AFDN: variants seen among roughly 807,000 people sequenced by gnomAD.
The protein encoded by AFDN is afadin.
A neutral mutation model predicts 216.6 loss-of-function variants in AFDN; 68 were observed. The observed-to-expected ratio is 0.31, with a 90% CI of 0.26 to 0.38. The LOEUF is 0.38. AFDN is among the 10% of genes least tolerant of loss of function. AFDN has a pLI of 1.00. For missense variants in AFDN, 2,136 were observed against 2,342.0 expected, an observed-to-expected ratio of 0.91 and a Z score of 1.82; for synonymous variants, 868 against 853.7, an observed-to-expected ratio of 1.02 and a Z score of -0.29.
At chr6:167,826,663 G>A, upstream of AFDN, 3 of 476,462 alleles carry the variant, frequency 6.3e-6, no homozygotes, top group Non-Finnish European at 1.3e-5. Context: ...ACCTAGCACC[G>A]CTGGTCGGGA....
intron 30 of AFDN, among the ~76,000 whole-genome samples, chr6:167,958,435 T>C (rs1440101547): frequency 6.6e-6 from 1 of 152,188 alleles, no homozygotes; most frequent in Non-Finnish European, 1.5e-5. Flanking sequence ...AAATGCCTCT[T>C]TTTGTAACAC....
intron 31 of AFDN, 37 bp from the exon 32 acceptor site, chr6:167,965,720 C>T (rs1431783734): frequency 3.3e-6 from 5 of 1,494,206 alleles, no homozygotes; most frequent in Admixed American, 2.3e-5. Context: ...CCCTTCTCAC[C>T]TCTGACCTTT....
intron 13 of AFDN, among the ~76,000 whole-genome samples, chr6:167,908,707 A>C (rs954708702): frequency 1.3e-5 from 2 of 152,204 alleles, no homozygotes; most frequent in Non-Finnish European, 2.9e-5. Context: ...ATTATTTTTT[A>C]CCATAAACAC....
intron 12 of AFDN, among the ~76,000 whole-genome samples, chr6:167,904,024 C>T (rs565658458): frequency 6.6e-6 from 1 of 152,302 alleles, no homozygotes; most frequent in Non-Finnish European, 1.5e-5. Context: ...GGTACCTCTT[C>T]CTCTTATGCT....
chr6:167,916,961 T>G, intron 19 of AFDN, 128 bp from the exon 20 acceptor site: 3 of 807,874 alleles, frequency 3.7e-6, no homozygotes, highest in Non-Finnish European at 5.6e-6. Flanking sequence ...GAAGTCTGTT[T>G]CCTGAAATCA....
At chr6:167,871,060 C>A (rs1229200578) in intron 3 of AFDN, among the ~76,000 whole-genome samples, 3 of 152,258 alleles carry the variant, frequency 2.0e-5, no homozygotes, top group African/African-American at 7.2e-5. Flanking sequence ...CAAGTGATAG[C>A]AAATGCAAAG....
At position 167,890,890 on chromosome 6, in the gene AFDN, G is replaced by A. The variant is rs1212978548; in HGVS notation, c.1038G>A (p.Arg346=). ...TTTTAGTCTTTCAGTTGAAGAGGAGGCCACCAGACCACATCCCAAAGAAAA... is the reference window on the plus strand; with the variant it reads ...TTTTAGTCTTTCAGTTGAAGAGGAGACCACCAGACCACATCCCAAAGAAAA... ...KGILVFQLKR[R]PPDHIPKKTK... Residue 346 remains arginine (R), a synonymous_variant, in exon 8 of 34, where the codon AGG becomes AGA. Coordinates refer to ENST00000683244, the MANE Select transcript of AFDN (RefSeq NM_001386888.1). 1.9e-6 allele frequency: 3 copies of A among 1,613,052 alleles called. No individual in the cohort carries two copies. Among genetic ancestry groups the A allele is most frequent in the Admixed American group, 3.3e-5 (2 of 59,910 alleles).
At chr6:167,929,634 G>A (rs1793032123) in intron 23 of AFDN, among the ~76,000 whole-genome samples, 1 of 152,164 alleles carries the variant, frequency 6.6e-6, no homozygotes, top group Non-Finnish European at 1.5e-5. Context: ...GCTCTATTTG[G>A]CATCCTTGTC....
At chr6:167,899,326 A>G (rs969205202) in intron 11 of AFDN, among the ~76,000 whole-genome samples, 2 of 152,166 alleles carry the variant, frequency 1.3e-5, no homozygotes, top group East Asian at 1.9e-4. Context: ...TTGCACCCCA[A>G]GTGTCAGCAA....
intron 6 of AFDN, among the ~76,000 whole-genome samples, chr6:167,882,725 G>T (rs1274424396): frequency 6.6e-6 from 1 of 152,156 alleles, no homozygotes; most frequent in Non-Finnish European, 1.5e-5. Context: ...AATCTCTCAG[G>T]ACTGAAGAAG....
At chr6:167,828,208 T>C (rs962218302) in intron 1 of AFDN, among the ~76,000 whole-genome samples, 14 of 152,268 alleles carry the variant, frequency 9.2e-5, no homozygotes, top group African/African-American at 3.1e-4. Context: ...TTTGTTGTAA[T>C]AGGTAATTTA....
At chr6:167,848,948 C>G (rs1781995141) in intron 1 of AFDN, among the ~76,000 whole-genome samples, 1 of 152,094 alleles carries the variant, frequency 6.6e-6, no homozygotes, top group Admixed American at 6.5e-5. Context: ...GTTTTCCACC[C>G]TTATTTTTAT....
At chr6:167,939,867 G>A (rs1209153773) in intron 23 of AFDN, among the ~76,000 whole-genome samples, 3 of 152,168 alleles carry the variant, frequency 2.0e-5, no homozygotes, top group African/African-American at 7.2e-5. Flanking sequence ...CACAGATAGA[G>A]TGAGGCAAAA....
chr6:167,932,287 C>T (rs1464725517), intron 23 of AFDN, among the ~76,000 whole-genome samples: 2 of 152,108 alleles, frequency 1.3e-5, no homozygotes, highest in East Asian at 3.9e-4. Flanking sequence ...TTCCCTGACT[C>T]GCCTTCCACA....
intron 9 of AFDN, among the ~76,000 whole-genome samples, chr6:167,894,922 G>A (rs986039353): frequency 1.2e-4 from 19 of 152,020 alleles, no homozygotes; most frequent in African/African-American, 2.2e-4. Flanking sequence ...TTAACTTTGC[G>A]TTGAAATGTT....
At position 167,913,603 on chromosome 6, in the gene AFDN, A is replaced by G; in HGVS notation, c.2058+180A>G. 1.0e-5 allele frequency: 6 copies of G among 581,004 alleles called. No homozygotes were observed. In the South Asian group the frequency reaches 1.4e-4, roughly 14 times the overall value. 36.0% of individuals were successfully genotyped at this position (581,004 alleles called of 1,614,324 possible). On this transcript the variant is annotated intron_variant, in intron 16 of 33. Transcript: ENST00000683244. Reference sequence around the variant, plus strand: ...GTGCAACCTTTATCGGCATTTCATAATTTCTGCTTAATGCACTTCAGTGTG... The same window carrying G: ...GTGCAACCTTTATCGGCATTTCATAGTTTCTGCTTAATGCACTTCAGTGTG...
intron 26 of AFDN, among the ~76,000 whole-genome samples, chr6:167,944,913 G>A (rs927971438): frequency 6.6e-6 from 1 of 152,052 alleles, no homozygotes; most frequent in Non-Finnish European, 1.5e-5. Flanking sequence ...GAAGGCCCAG[G>A]ACATGGCCAT....
At chr6:167,940,223 GAGGGTGGAA>G (rs1794523760) in intron 23 of AFDN, among the ~76,000 whole-genome samples, 1 of 152,018 alleles carries the variant, frequency 6.6e-6, no homozygotes, top group Admixed American at 6.6e-5. Flanking sequence ...ATGTAGGGGT[GAGGGTGGAA>G]ACCATCCACA....
rs201112836 is a variant in AFDN, at chr6:167,950,392, C to CTGTGTGTGTG, written c.3832-789_3832-788insGTGTGTGTGT. Among the ~76,000 whole-genome samples the CTGTGTGTGTG allele has an allele frequency of 8.5e-3, 1,184 of 139,332 alleles. 17 individuals carry two copies. The highest frequency in any genetic ancestry group is 0.026 in the African/African-American group (1,038 of 39,922). The allele number at this position is 139,332 out of a possible 152,430, so 91.4% of individuals were successfully genotyped here. ...TTGGAAAAAGTATACTCATTTTTCT[C>CTGTGTGTGTG]TGTGTCTGTGTGTGTGTGTGTGTGT... On this transcript the variant is annotated intron_variant, in intron 29 of 33. Coordinates refer to ENST00000683244, the MANE Select transcript of AFDN (RefSeq NM_001386888.1).
Sources: allele counts gnomAD v4.1 joint callset (sites outside exome capture counted in the v4.1 genomes callset), GRCh38; gene constraint gnomAD v4.1.1; transcripts MANE v1.5; gene names NCBI Gene and HGNC (gene_info 2026-07-23, HGNC 2026-07-21).